The following PLEKHG4B variants were observed in gnomAD, a reference collection of about 807,000 sequenced individuals.
The protein encoded by PLEKHG4B is pleckstrin homology domain-containing family G member 4B.
Under a neutral mutation model 121.3 loss-of-function variants are expected in PLEKHG4B, and 111 were observed. The observed-to-expected ratio is 0.92, with a 90% CI of 0.78 to 1.07. The LOEUF is 1.07. PLEKHG4B is among the 50% of genes least tolerant of loss of function. The pLI is 0.00. For missense variants in PLEKHG4B, 1,831 were observed against 1,757.8 expected (o/e 1.04, Z -0.74); for synonymous variants, 738 against 725.0 (o/e 1.02, Z -0.29).
intron 2 of PLEKHG4B, among the ~76,000 whole-genome samples, chr5:128,996 C>T (rs776533460): frequency 3.5e-4 from 54 of 152,162 alleles, no homozygotes; most frequent in Non-Finnish European, 6.9e-4. Flanking sequence ...AAACAGATTC[C>T]GTAGCAATAA....
At chr5:134,349 A>G (rs2126386996) in intron 2 of PLEKHG4B, among the ~76,000 whole-genome samples, 1 of 151,906 alleles carries the variant, frequency 6.6e-6, no homozygotes, top group East Asian at 1.9e-4. Context: ...GGTGAGCGAT[A>G]AAAGACTACA....
At chr5:132,091 T>C (rs1433541332) in intron 2 of PLEKHG4B, among the ~76,000 whole-genome samples, 1 of 152,050 alleles carries the variant, frequency 6.6e-6, no homozygotes, top group African/African-American at 2.4e-5. Flanking sequence ...GCTTTTCCTC[T>C]GATACCAGGA....
At chr5:98,979 AC>A (rs1309536202) in intron 1 of PLEKHG4B, among the ~76,000 whole-genome samples, 1 of 139,098 alleles carries the variant, frequency 7.2e-6, no homozygotes, top group East Asian at 2.2e-4. Context: ...ACAGAGTGAA[AC>A]CCCGTCTCTA....
intron 18 of PLEKHG4B, among the ~76,000 whole-genome samples, chr5:180,907 G>A (rs549800417): frequency 5.3e-5 from 8 of 152,142 alleles, no homozygotes; most frequent in East Asian, 1.9e-4. Context: ...CACACACACC[G>A]CACTTCTTCC....
rs1406167158 is a variant in PLEKHG4B at position 186,407 on chromosome 5, C to T, written c.*4084C>T. On this transcript the variant is annotated 3_prime_UTR_variant, in exon 20 of 20. Transcript: ENST00000637938. ...TGGCGAACACGTGTTCTCATTTCTC[C>T]AGGGTTCTGGACCCGTGAGCTGAAG... 1 of 152,310 alleles carries T rather than the reference C, an allele frequency of 6.6e-6. No homozygotes were observed. Among genetic ancestry groups the T allele is most frequent in the Non-Finnish European group, 1.5e-5 (1 of 68,088 alleles). The allele number at this position is 152,310 out of a possible 1,614,324, so 9.4% of individuals were successfully genotyped here. A position where few individuals can be genotyped will look rare whatever the true frequency, so the allele number is the denominator to read the frequency against.
chr5:138,011 G>A (rs562323476), intron 2 of PLEKHG4B, among the ~76,000 whole-genome samples: 10 of 152,200 alleles, frequency 6.6e-5, no homozygotes, highest in African/African-American at 1.4e-4. Context: ...ACGCGCAGAC[G>A]TTTCTGAAAA....
chr5:145,956 G>A (rs1027668203), intron 6 of PLEKHG4B, among the ~76,000 whole-genome samples: 10 of 151,984 alleles, frequency 6.6e-5, no homozygotes, highest in Non-Finnish European at 1.5e-5. Flanking sequence ...CCAGGTGGCA[G>A]GTTGTGCCAG....
intron 13 of PLEKHG4B, among the ~76,000 whole-genome samples, chr5:164,725 C>CTAATACTCTGACGGGGCGGGGCTCACAG (rs1736214960): frequency 1.7e-5 from 1 of 58,018 alleles, no homozygotes. Context: ...GGAGCTCACA[C>CTAATACTCTGACGGGGCGGGGCTCACAG]TAATACTCTG....
In PLEKHG4B at chr5:181,586, G is replaced by A. The variant is rs116091422; in HGVS notation, c.4475G>A (p.Arg1492Gln). Residue 1492 changes from arginine (R) to glutamine (Q), a missense_variant, in exon 19 of 20, where the codon CGG (arginine) becomes CAG (glutamine). Transcript: ENST00000637938. ...QPFMDVKPRD[R>Q]TPDCAVISDR... Reference sequence around the variant, plus strand: ...TTCATGGATGTCAAGCCCAGAGACCGGACCCCTGACTGTGCAGTGATAAGC... The same window carrying A: ...TTCATGGATGTCAAGCCCAGAGACCAGACCCCTGACTGTGCAGTGATAAGC... 7.1e-5 allele frequency: 114 copies of A among 1,614,118 alleles called. No homozygotes were observed. Among genetic ancestry groups the A allele is most frequent in the African/African-American group, 2.3e-4 (17 of 75,038 alleles).
chr5:135,682 A>AAAAAAAAAAAT (rs1553985215), intron 2 of PLEKHG4B, among the ~76,000 whole-genome samples: 2 of 19,610 alleles, frequency 1.0e-4, no homozygotes, highest in African/African-American at 1.5e-4. Flanking sequence ...AAAAAAAAAA[A>AAAAAAAAAAAT]ATATATATAT....
At chr5:118,975 A>T (rs1734387617) in intron 2 of PLEKHG4B, among the ~76,000 whole-genome samples, 1 of 151,618 alleles carries the variant, frequency 6.6e-6, no homozygotes, top group African/African-American at 2.4e-5. Flanking sequence ...CTCAGCTTCC[A>T]AACTAGCTAG....
chr5:172,812 A>G, intron 16 of PLEKHG4B, 85 bp from the exon 17 acceptor site: 2 of 1,463,960 alleles, frequency 1.4e-6, no homozygotes, highest in Non-Finnish European at 1.9e-6. Context: ...TCACGAAGCT[A>G]ACACATTTAG....
At chr5:165,160 G>A (rs1263506596) in intron 13 of PLEKHG4B, among the ~76,000 whole-genome samples, 3 of 82,240 alleles carry the variant, frequency 3.6e-5, no homozygotes, top group East Asian at 3.1e-4. Flanking sequence ...TCACACTAAT[G>A]CTCTGACGGG....
At position 141,386 on chromosome 5, in the gene PLEKHG4B, G is replaced by A. The variant is rs538055649; in HGVS notation, c.1477+670G>A. On this transcript the variant is annotated intron_variant, in intron 3 of 19. Coordinates refer to ENST00000637938, the MANE Select transcript of PLEKHG4B (RefSeq NM_052909.5). ...CAGAGTGTGTTCCCCTCCGAGGACC[G>A]GGGGCACCCATCCCGCCTCTTCCAG... Among the ~76,000 whole-genome samples the A allele has an allele frequency of 8.7e-5, 13 of 149,244 alleles. No individual in the cohort carries two copies. The East Asian group carries it at 1.8e-3, about 21-fold the overall frequency.
chr5:133,941 C>CACACACACACACACACACACATATAT (rs34900477), intron 2 of PLEKHG4B, among the ~76,000 whole-genome samples: 2 of 146,288 alleles, frequency 1.4e-5, no homozygotes, highest in African/African-American at 5.1e-5. Context: ...CACACACACA[C>CACACACACACACACACACACATATAT]ATATATATAT....
intron 1 of PLEKHG4B, among the ~76,000 whole-genome samples, chr5:110,351 G>A (rs556675360): frequency 5.7e-4 from 53 of 93,680 alleles, no homozygotes; most frequent in African/African-American, 1.4e-3. Flanking sequence ...TGCACACACC[G>A]GCCACTCTGC....
At chr5:163,617 G>A (rs1382867352) in intron 13 of PLEKHG4B, 69 bp downstream of exon 13, 4 of 1,287,286 alleles carry the variant, frequency 3.1e-6, no homozygotes, top group Non-Finnish European at 4.2e-6. Context: ...AGCCATTTAG[G>A]CAGTAAACTC....
At chr5:162,074 C>A (rs1181580698) in intron 12 of PLEKHG4B, 130 bp downstream of exon 12, 3 of 1,202,400 alleles carry the variant, frequency 2.5e-6, no homozygotes, top group East Asian at 2.6e-5. Context: ...TGCGATGGAG[C>A]CCCCCTGGCC....
chr5:140,501 C>T lies in PLEKHG4B; in HGVS notation c.1262C>T (p.Pro421Leu), dbSNP rs1735132198. 1 of 1,596,366 alleles carries T rather than the reference C, an allele frequency of 6.3e-7. No individual in the cohort carries two copies. Among genetic ancestry groups the T allele is most frequent in the East Asian group, 2.3e-5 (1 of 44,020 alleles). ...AGTCTAGAGAAGGAGAGGCACACAC[C>T]CAGCCGGACAGGTCCAGGAGCTGCA... Reference protein sequence around the residue: ...TPSLEKERHTPSRTGPGAAGR... With the variant: ...TPSLEKERHTLSRTGPGAAGR... The change falls in exon 3 of 20, where the codon CCC becomes CTC. Residue 421 changes from proline (P) to leucine (L), a missense_variant. By Grantham distance (98) the Pro-to-Leu change is moderately conservative. Coordinates refer to ENST00000637938, the MANE Select transcript of PLEKHG4B (RefSeq NM_052909.5).
Sources: allele counts gnomAD v4.1 joint callset (sites outside exome capture counted in the v4.1 genomes callset), GRCh38; gene constraint gnomAD v4.1.1; transcripts MANE v1.5; gene names NCBI Gene and HGNC (gene_info 2026-07-23, HGNC 2026-07-21).